VIRMA: variants seen among roughly 807,000 people sequenced by gnomAD.
VIRMA encodes the protein protein virilizer homolog.
Under a neutral mutation model 182.4 loss-of-function variants are expected in VIRMA, and 65 were observed. The observed-to-expected ratio is 0.36, with a 90% CI of 0.29 to 0.44. The LOEUF (loss-of-function observed/expected upper bound fraction) is 0.44. Among genes scored for constraint, VIRMA ranks in the 20% least tolerant of loss-of-function variants. The pLI is 1.00. For missense variants in VIRMA, 1,752 were observed against 2,158.1 expected (o/e 0.81, Z 3.73); for synonymous variants, 709 against 743.1 (o/e 0.95, Z 0.75).
intron 10 of VIRMA, among the ~76,000 whole-genome samples, chr8:94,517,489 C>T (rs1411037910): frequency 6.6e-6 from 1 of 152,246 alleles, no homozygotes; most frequent in Non-Finnish European, 1.5e-5. Context: ...AGGCATGAGC[C>T]ACCGCACCCG....
chr8:94,523,629 G>A (rs1423336718), intron 8 of VIRMA, among the ~76,000 whole-genome samples: 2 of 151,904 alleles, frequency 1.3e-5, no homozygotes, highest in Admixed American at 6.6e-5. Flanking sequence ...TGCCCAGGCT[G>A]GCCAAATTTC....
At chr8:94,513,986 T>C (rs2130314463) in intron 11 of VIRMA, among the ~76,000 whole-genome samples, 1 of 152,342 alleles carries the variant, frequency 6.6e-6, no homozygotes, top group South Asian at 2.1e-4. Context: ...AAAAACACTT[T>C]GCTGTGGGTC....
At chr8:94,541,382 G>C (rs1271488205) in intron 2 of VIRMA, among the ~76,000 whole-genome samples, 9 of 152,034 alleles carry the variant, frequency 5.9e-5, no homozygotes, top group Non-Finnish European at 1.0e-4. Context: ...TTAGAGGCCT[G>C]AGCCACCACA....
At chr8:94,523,188 T>C (rs903555403) in intron 8 of VIRMA, among the ~76,000 whole-genome samples, 4 of 152,178 alleles carry the variant, frequency 2.6e-5, no homozygotes, top group African/African-American at 9.7e-5. Context: ...CCTACACTTG[T>C]ACTCTTGTCC....
chr8:94,499,291 G>A lies in VIRMA; in HGVS notation c.4230+83C>T, dbSNP rs1010383406. The stretch of plus-strand genomic sequence containing the variant: ...GCTGAGATTACAGATGTGAGCCATC[G>A]TACTTGGCCAAAGATTTCAAATTTA... On this transcript the variant is annotated intron_variant, in intron 17 of 23. Transcript: ENST00000297591. The A allele has an allele frequency of 1.8e-5, 18 of 976,046 alleles. 1 individual carries two copies. The South Asian group carries it at 2.6e-4, about 14-fold the overall frequency. 60.5% of individuals were successfully genotyped at this position (976,046 alleles called of 1,614,324 possible). A position where few individuals can be genotyped will look rare whatever the true frequency, so the allele number is the denominator to read the frequency against.
In VIRMA at chr8:94,529,065, C is replaced by T. The variant is rs1469995576; in HGVS notation, c.880+5G>A. The T allele has an allele frequency of 5.0e-6, 8 of 1,610,422 alleles. No homozygotes were observed. The highest frequency in any genetic ancestry group is 6.8e-6 in the Non-Finnish European group (8 of 1,176,792). On this transcript the variant is annotated splice_donor_5th_base_variant and intron_variant, in intron 7 of 23. Coordinates refer to ENST00000297591, the MANE Select transcript of VIRMA (RefSeq NM_015496.5). Reference sequence around the variant, plus strand: ...AACCCCAAAGTCCTAGCTAACATAACCCACCTTCACCTTCTTCATCCTCTT... The same window carrying T: ...AACCCCAAAGTCCTAGCTAACATAATCCACCTTCACCTTCTTCATCCTCTT...
chr8:94,530,855 T>TAAGCCAA, intron 6 of VIRMA, 108 bp downstream of exon 6: 1 of 1,220,232 alleles, frequency 8.2e-7, no homozygotes, highest in Non-Finnish European at 1.1e-6. Context: ...AAGACTGCAG[T>TAAGCCAA]GAGCCACTGT....
chr8:94,520,345 A>G (rs529710117), intron 8 of VIRMA, among the ~76,000 whole-genome samples: 190 of 152,224 alleles, frequency 1.2e-3, no homozygotes, highest in African/African-American at 4.2e-3. Flanking sequence ...AAATTTTTTA[A>G]TTAGCTGGCC....
At chr8:94,540,979 A>C (rs1267869663) in intron 2 of VIRMA, among the ~76,000 whole-genome samples, 2 of 152,146 alleles carry the variant, frequency 1.3e-5, no homozygotes, top group Non-Finnish European at 2.9e-5. Flanking sequence ...AAGGTATTAT[A>C]TTTACAAAAA....
rs147790211 is a variant in VIRMA at position 94,547,744 on chromosome 8, T to C, written c.64-3802A>G. Among the ~76,000 whole-genome samples the C allele has an allele frequency of 4.6e-5, 7 of 150,700 alleles. No individual in the cohort carries two copies. In the Middle Eastern group the frequency reaches 0.014, roughly 293 times the overall value. Reference sequence around the variant, plus strand: ...CACTGTAAAGTCAGAAACCTAAATGTATGAGAATTTAGTATATAAATAATA... The same window carrying C: ...CACTGTAAAGTCAGAAACCTAAATGCATGAGAATTTAGTATATAAATAATA... On this transcript the variant is annotated intron_variant, in intron 1 of 23. Transcript: ENST00000297591.
At position 94,527,244 on chromosome 8, in the gene VIRMA, G is replaced by C; in HGVS notation, c.1000C>G (p.Pro334Ala). 1 of 1,613,824 alleles carries C rather than the reference G, an allele frequency of 6.2e-7. No homozygotes were observed. The highest frequency in any genetic ancestry group is 1.1e-5 in the South Asian group (1 of 91,064). Residue 334 changes from proline to alanine, a missense_variant, in exon 8 of 24, where the codon CCT becomes GCT. Around this residue, in one of 11 missense-constraint regions of VIRMA, gnomAD observed 401 missense variants for 455.1 expected, o/e 0.88. Coordinates refer to ENST00000297591, the MANE Select transcript of VIRMA (RefSeq NM_015496.5). ...TCATATGGATCATATGTCATAGGAG[G>C]AACTGAAGCTAAGTCTTCAGCAGTG... Reference protein sequence around the residue: ...EYTAEDLASVPPMTYDPYDRE... With the variant: ...EYTAEDLASVAPMTYDPYDRE...
chr8:94,548,184 T>C (rs1815842463), intron 1 of VIRMA, among the ~76,000 whole-genome samples: 1 of 150,784 alleles, frequency 6.6e-6, no homozygotes. Context: ...CCTTTTGTAT[T>C]TGTACCTCAT....
At chr8:94,532,977 A>C (rs973828924) in intron 5 of VIRMA, among the ~76,000 whole-genome samples, 10 of 152,142 alleles carry the variant, frequency 6.6e-5, no homozygotes, top group African/African-American at 2.4e-4. Context: ...CAAAAAAATT[A>C]AATTAAAAAA....
chr8:94,531,883 T>C (rs930843395), intron 5 of VIRMA, among the ~76,000 whole-genome samples: 1 of 152,176 alleles, frequency 6.6e-6, no homozygotes, highest in Non-Finnish European at 1.5e-5. Flanking sequence ...TTATATATAA[T>C]ATGTTGAAGT....
intron 11 of VIRMA, among the ~76,000 whole-genome samples, chr8:94,513,366 T>C (rs1814442809): frequency 6.7e-6 from 1 of 150,334 alleles, no homozygotes; most frequent in Non-Finnish European, 1.5e-5. Context: ...CAAAAAAACC[T>C]TGGAAGAAAT....
At chr8:94,544,394 C>T (rs746586355) in intron 1 of VIRMA, among the ~76,000 whole-genome samples, 9 of 152,102 alleles carry the variant, frequency 5.9e-5, no homozygotes, top group South Asian at 2.1e-4. Flanking sequence ...AGATTATGGC[C>T]GGGCGCAGTG....
chr8:94,515,836 G>A (rs1814541582), intron 10 of VIRMA, among the ~76,000 whole-genome samples: 1 of 151,654 alleles, frequency 6.6e-6, no homozygotes, highest in South Asian at 2.1e-4. Flanking sequence ...GGTGACTCAC[G>A]CCTGTAATAC....
intron 8 of VIRMA, among the ~76,000 whole-genome samples, chr8:94,524,278 C>T (rs919387518): frequency 2.6e-5 from 4 of 151,142 alleles, no homozygotes; most frequent in Non-Finnish European, 3.0e-5. Context: ...GGATTATAGG[C>T]GTGAGCCACC....
chr8:94,550,323 C>T (rs1255138012), intron 1 of VIRMA, among the ~76,000 whole-genome samples: 3 of 150,556 alleles, frequency 2.0e-5, no homozygotes, highest in African/African-American at 7.3e-5. Context: ...GACGGAGTCT[C>T]GCTCTGTCAC....
Sources: allele counts gnomAD v4.1 joint callset (sites outside exome capture counted in the v4.1 genomes callset), GRCh38; gene constraint gnomAD v4.1.1; regional missense constraint gnomAD v4.1.1; transcripts MANE v1.5; gene names NCBI Gene and HGNC (gene_info 2026-07-23, HGNC 2026-07-21).